The following PPP2R1B variants were observed in gnomAD, a reference collection of about 807,000 sequenced individuals.
The protein encoded by PPP2R1B is serine/threonine-protein phosphatase 2A 65 kDa regulatory subunit A beta isoform.
PPP2R1B carries 58 observed loss-of-function variants against 72.7 expected under a neutral mutation model. The ratio of observed to expected loss-of-function variants is 0.80; its 90% CI spans 0.65 to 0.99. PPP2R1B has a LOEUF of 0.99. Among genes scored for constraint, PPP2R1B ranks in the 50% least tolerant of loss-of-function variants. The pLI is 0.00. For missense variants in PPP2R1B, 695 were observed against 733.6 expected, an observed-to-expected ratio of 0.95 and a Z score of 0.61; for synonymous variants, 256 against 264.6, an observed-to-expected ratio of 0.97 and a Z score of 0.32.
chr11:111,704,843 G>T, the PPP2R1B span: 1 of 875,456 alleles, frequency 1.1e-6, no homozygotes, highest in Non-Finnish European at 1.6e-6. Flanking sequence ...TCACATTTTT[G>T]GAGCAGCTTT....
rs372393361 is a variant in PPP2R1B at position 111,743,482 on chromosome 11, T to G, written c.1448A>C (p.Gln483Pro). The G allele has an allele frequency of 8.1e-6, 13 of 1,613,984 alleles. No homozygotes were observed. The highest frequency in any genetic ancestry group is 1.1e-5 in the South Asian group (1 of 91,064). The change falls in exon 12 of 15, where the codon CAG (glutamine) becomes CCG (proline). Residue 483 changes from glutamine to proline, a missense_variant. By Grantham distance (76) the Gln-to-Pro change is moderately conservative (BLOSUM62 -1). Transcript: ENST00000527614. The stretch of plus-strand genomic sequence containing the variant: ...TTGGGCCCACTCTGTACCAAACTTC[T>G]GAACTAGTTTCATGAGGTTGTTGGT... ...AATNNLMKLVQKFGTEWAQNT... is the reference protein window; with the variant it reads ...AATNNLMKLVPKFGTEWAQNT...
chr11:111,750,250 A>G (rs769210632), intron 10 of PPP2R1B, among the ~76,000 whole-genome samples: 8 of 152,224 alleles, frequency 5.3e-5, no homozygotes, highest in Non-Finnish European at 1.2e-4. Context: ...AATAAATTCC[A>G]TATGTTGTGA....
intron 1 of PPP2R1B, 48 bp downstream of exon 1, chr11:111,766,200 C>T (rs550410745): frequency 1.9e-6 from 3 of 1,595,912 alleles, no homozygotes; most frequent in African/African-American, 1.3e-5. Flanking sequence ...CCTTCTCTAC[C>T]ACGCGACCAG....
At chr11:111,748,256 GT>G (rs1419841986) in intron 10 of PPP2R1B, among the ~76,000 whole-genome samples, 3 of 152,232 alleles carry the variant, frequency 2.0e-5, no homozygotes, top group Non-Finnish European at 4.4e-5. Flanking sequence ...AGAGAACAGG[GT>G]GGCCAGAAGT....
At chr11:111,733,806 G>A (rs1454434192), downstream of PPP2R1B, among the ~76,000 whole-genome samples, 3 of 152,202 alleles carry the variant, frequency 2.0e-5, no homozygotes, top group South Asian at 2.1e-4. Flanking sequence ...AGTGAGGGCT[G>A]AAGGGCAGGC....
chr11:111,740,690 G>A lies in PPP2R1B; in HGVS notation c.*906C>T, dbSNP rs2136039297. 3.0e-6 allele frequency: 3 copies of A among 985,330 alleles called. No homozygotes were observed. Among genetic ancestry groups the A allele is most frequent in the African/African-American group, 3.5e-5 (2 of 57,366 alleles). 61.0% of individuals were successfully genotyped at this position (985,330 alleles called of 1,614,324 possible). On this transcript the variant is annotated 3_prime_UTR_variant, in exon 15 of 15. Coordinates refer to ENST00000527614, the MANE Select transcript of PPP2R1B (RefSeq NM_002716.5). ...TAAAACTGCAGTTTGAAAAGCTACT[G>A]TACAATGCAGCAAGGACTAGGTGTC...
chr11:111,765,841 G>C (rs1945509984), intron 1 of PPP2R1B: 4 of 477,562 alleles, frequency 8.4e-6, no homozygotes, highest in Non-Finnish European at 1.2e-5. Context: ...AGGGATCCAG[G>C]GGCACTTCAA....
chr11:111,749,646 T>C (rs1359279418), intron 10 of PPP2R1B, among the ~76,000 whole-genome samples: 2 of 152,194 alleles, frequency 1.3e-5, no homozygotes, highest in Non-Finnish European at 2.9e-5. Flanking sequence ...AGCCAGGTCA[T>C]ACATAAAGTC....
At chr11:111,745,839 A>G (rs1944685891) in intron 11 of PPP2R1B, among the ~76,000 whole-genome samples, 1 of 152,350 alleles carries the variant, frequency 6.6e-6, no homozygotes, top group Non-Finnish European at 1.5e-5. Flanking sequence ...TAACTAGGGG[A>G]AAAGTTTCAA....
intron 12 of PPP2R1B, 132 bp downstream of exon 12, chr11:111,743,244 C>G: frequency 1.1e-6 from 1 of 950,970 alleles, no homozygotes; most frequent in Non-Finnish European, 1.5e-6. Context: ...TCTCTCATCT[C>G]CTGTCTATTC....
chr11:111,755,179 A>C, intron 6 of PPP2R1B, 85 bp from the exon 7 acceptor site: 7 of 1,532,976 alleles, frequency 4.6e-6, no homozygotes, highest in Non-Finnish European at 6.2e-6. Context: ...CTGTAAATAC[A>C]TATTTTTGCC....
intron 15 of PPP2R1B, among the ~76,000 whole-genome samples, chr11:111,732,307 T>C (rs971190827): frequency 2.6e-5 from 4 of 152,192 alleles, no homozygotes; most frequent in African/African-American, 9.7e-5. Flanking sequence ...GGACACAGAA[T>C]TTCAGGACAG....
chr11:111,692,042 G>A, the PPP2R1B span, among the ~76,000 whole-genome samples: 6 of 152,074 alleles, frequency 3.9e-5, no homozygotes, highest in African/African-American at 1.2e-4. Flanking sequence ...ATTGGGGATC[G>A]GGGAGACAGA....
the PPP2R1B span, among the ~76,000 whole-genome samples, chr11:111,693,338 A>T: frequency 6.6e-6 from 1 of 152,086 alleles, no homozygotes; most frequent in Non-Finnish European, 1.5e-5. Flanking sequence ...TCTCAAAAAA[A>T]AAAAAAAAAC....
the PPP2R1B span, among the ~76,000 whole-genome samples, chr11:111,690,809 G>A: frequency 1.8e-4 from 28 of 152,212 alleles, 1 homozygote; most frequent in African/African-American, 5.3e-4. Context: ...TTATGTCTGC[G>A]TAGTATTCCA....
chr11:111,758,826 A>G (rs571832312), intron 5 of PPP2R1B, among the ~76,000 whole-genome samples: 13 of 152,288 alleles, frequency 8.5e-5, no homozygotes, highest in Middle Eastern at 3.4e-3. Flanking sequence ...ATTAAGTTAT[A>G]CATTCATTTT....
intron 15 of PPP2R1B, chr11:111,728,721 G>A (rs1021263635): frequency 6.6e-6 from 1 of 152,318 alleles, no homozygotes; most frequent in South Asian, 2.1e-4. Flanking sequence ...GAGGTCAGGA[G>A]ATTGAGACCA....
chr11:111,722,837 T>A, downstream of PPP2R1B: 1 of 1,326,998 alleles, frequency 7.5e-7, no homozygotes, highest in Non-Finnish European at 1.1e-6. This position sits in a 1 kb window ranked among gnomAD's most constrained non-coding sequence, Gnocchi z 4.4. Context: ...CCTTTTCCTC[T>A]CACATTCGCC....
the PPP2R1B span, among the ~76,000 whole-genome samples, chr11:111,708,236 G>C: frequency 6.6e-6 from 1 of 152,056 alleles, no homozygotes; most frequent in African/African-American, 2.4e-5. Flanking sequence ...AAAAAAATTA[G>C]CCGGTTATGG....
Sources: allele counts gnomAD v4.1 joint callset (sites outside exome capture counted in the v4.1 genomes callset), GRCh38; gene constraint gnomAD v4.1.1; non-coding constraint Gnocchi (gnomAD v3.1); transcripts MANE v1.5; gene names NCBI Gene and HGNC (gene_info 2026-07-23, HGNC 2026-07-21).